PRR23E: variants seen among roughly 807,000 people sequenced by gnomAD.
The protein encoded by PRR23E is PRR23 family member E, also known as proline-rich protein 23E.
At chr3:127,198,123 C>T in the PRR23E span, 1 of 152,196 alleles carries the variant, frequency 6.6e-6, no homozygotes, top group South Asian at 2.1e-4. Context: ...GTAATGCACA[C>T]ACCAGTAAAA....
the PRR23E span, chr3:127,197,628 C>T: frequency 3.5e-5 from 15 of 429,520 alleles, no homozygotes; most frequent in Non-Finnish European, 2.4e-5. Context: ...GATACTGGCA[C>T]CTTTTCTCCT....
At chr3:127,196,906 C>G in the PRR23E span, 132 of 1,599,346 alleles carry the variant, frequency 8.3e-5, no homozygotes, top group Non-Finnish European at 1.0e-4. Context: ...GCTTACCCAG[C>G]CTTCTGGGCT....
At chr3:127,196,515 CT>C in the PRR23E span, 1 of 1,053,588 alleles carries the variant, frequency 9.5e-7, no homozygotes, top group African/African-American at 1.6e-5. Context: ...TCACCCCCAG[CT>C]GTCCCCCTCC....
chr3:127,195,480 T>G, the PRR23E span, among the ~76,000 whole-genome samples: 1 of 152,132 alleles, frequency 6.6e-6, no homozygotes, highest in Non-Finnish European at 1.5e-5. Context: ...CTGCCCTCAC[T>G]TGTACCCTAA....
At chr3:127,194,632 T>C in the PRR23E span, among the ~76,000 whole-genome samples, 2 of 152,274 alleles carry the variant, frequency 1.3e-5, no homozygotes, top group South Asian at 4.2e-4. Flanking sequence ...CCTGCCCCCT[T>C]TTCCAGGAGT....
the PRR23E span, among the ~76,000 whole-genome samples, chr3:127,193,428 T>C: frequency 4.7e-3 from 709 of 152,074 alleles, 6 homozygotes; most frequent in African/African-American, 0.016. Context: ...TCCCTGCTTC[T>C]CTTGCAGTTC....
At chr3:127,196,979 G>A in the PRR23E span, 1 of 1,599,418 alleles carries the variant, frequency 6.3e-7, no homozygotes, top group Non-Finnish European at 8.5e-7. Flanking sequence ...CTGCCTTGGT[G>A]CCTTCAGTGT....
At chr3:127,195,943 A>G in the PRR23E span, among the ~76,000 whole-genome samples, 1 of 152,136 alleles carries the variant, frequency 6.6e-6, no homozygotes, top group African/African-American at 2.4e-5. Context: ...CCTCTCCTGG[A>G]TACTGGGCCT....
chr3:127,193,999 A>G, the PRR23E span, among the ~76,000 whole-genome samples: 1 of 152,230 alleles, frequency 6.6e-6, no homozygotes, highest in Non-Finnish European at 1.5e-5. Context: ...TGTATCTGAC[A>G]TATGATTAGC....
At chr3:127,197,461 G>T in the PRR23E span, 2 of 1,434,942 alleles carry the variant, frequency 1.4e-6, no homozygotes, top group South Asian at 1.5e-5. Flanking sequence ...GACATGTCTG[G>T]TGGAGCCCAG....
At chr3:127,195,291 C>T in the PRR23E span, among the ~76,000 whole-genome samples, 31 of 152,300 alleles carry the variant, frequency 2.0e-4, no homozygotes, top group African/African-American at 6.5e-4. Flanking sequence ...CTCTTCCTTT[C>T]CCGGGCCGGT....
At chr3:127,197,590 T>TTTC in the PRR23E span, 461,301 of 468,266 alleles carry the variant, frequency 0.99, 227,593 homozygotes, top group East Asian at 1. Flanking sequence ...TTCTCTTTAC[T>TTTC]TTGTTTTTCT....
the PRR23E span, chr3:127,197,511 T>A: frequency 9.0e-7 from 1 of 1,116,218 alleles, no homozygotes; most frequent in Non-Finnish European, 1.2e-6. Flanking sequence ...GTCTCAGATG[T>A]AGGTTGTTTA....
chr3:127,196,675 G>C, the PRR23E span: 1,523 of 1,580,438 alleles, frequency 9.6e-4, 14 homozygotes, highest in African/African-American at 0.018. Context: ...GAAGAGCACA[G>C]CTCATCTAAG....
chr3:127,194,857 T>C, the PRR23E span, among the ~76,000 whole-genome samples: 10 of 152,320 alleles, frequency 6.6e-5, no homozygotes, highest in East Asian at 1.7e-3. Flanking sequence ...AGATCCTCCC[T>C]GGGGCTACTG....
the PRR23E span, chr3:127,196,963 C>T: frequency 6.3e-7 from 1 of 1,599,434 alleles, no homozygotes; most frequent in East Asian, 2.2e-5. Context: ...GGTTATCCCC[C>T]TCCAGCTGCC....
chr3:127,196,816 G>A, the PRR23E span: 1 of 1,598,568 alleles, frequency 6.3e-7, no homozygotes, highest in Non-Finnish European at 8.5e-7. Flanking sequence ...TATGGTTCCT[G>A]TACCTGCTTG....
At chr3:127,193,912 T>C in the PRR23E span, among the ~76,000 whole-genome samples, 1 of 152,264 alleles carries the variant, frequency 6.6e-6, no homozygotes, top group African/African-American at 2.4e-5. Flanking sequence ...GCTTATTCTG[T>C]GGCTTGCTTG....
the PRR23E span, chr3:127,197,429 C>G: frequency 6.7e-7 from 1 of 1,490,542 alleles, no homozygotes; most frequent in Non-Finnish European, 8.9e-7. Flanking sequence ...CCCTCTAGAC[C>G]CAGACCCACC....
Sources: gnomAD v4.1 joint callset for allele counts (sites outside exome capture counted in the v4.1 genomes callset) on GRCh38, gnomAD v4.1.1 for gene constraint, MANE v1.5 for transcripts, NCBI Gene and HGNC (gene_info 2026-07-23, HGNC 2026-07-21) for gene names.